TMEM236: variants seen among roughly 807,000 people sequenced by gnomAD.
TMEM236 encodes family with sequence similarity 23, member A.
TMEM236 carries 11 observed loss-of-function variants against 14.7 expected under a neutral mutation model. That is an observed-to-expected ratio of 0.75 (90% CI 0.47 to 1.24). The LOEUF (loss-of-function observed/expected upper bound fraction) is 1.24, where lower values mean the gene tolerates loss of function less well. Among genes scored for constraint, TMEM236 ranks in the 50% most tolerant of loss-of-function variants. The pLI is 0.00. For synonymous variants in TMEM236, 182 were observed against 168.6 expected, an observed-to-expected ratio of 1.08 and a Z score of -0.62; for missense variants, 464 against 427.3, an observed-to-expected ratio of 1.09 and a Z score of -0.76.
At chr10:17,787,025 C>A (rs922488212) in intron 3 of TMEM236, among the ~76,000 whole-genome samples, 1 of 152,184 alleles carries the variant, frequency 6.6e-6, no homozygotes, top group African/African-American at 2.4e-5. Context: ...GTGAGACCTC[C>A]CCAGCCATGT....
intron 3 of TMEM236, among the ~76,000 whole-genome samples, chr10:17,792,048 C>G (rs2131767086): frequency 6.6e-6 from 1 of 151,834 alleles, no homozygotes; most frequent in Middle Eastern, 3.4e-3. Context: ...TTTTTAGGTG[C>G]CTTTTCTTTG....
intron 1 of TMEM236, among the ~76,000 whole-genome samples, chr10:17,770,532 C>T (rs1195620878): frequency 1.3e-5 from 2 of 152,186 alleles, no homozygotes; most frequent in East Asian, 1.9e-4. Context: ...TACAGGTGCT[C>T]GCCACCACGC....
chr10:17,753,368 A>G (rs1837236986), intron 1 of TMEM236, among the ~76,000 whole-genome samples: 2 of 152,178 alleles, frequency 1.3e-5, no homozygotes, highest in African/African-American at 4.8e-5. Flanking sequence ...CCTAGTACCT[A>G]TTAGTTGTTT....
At chr10:17,790,594 A>C (rs1837910330) in intron 3 of TMEM236, among the ~76,000 whole-genome samples, 1 of 152,226 alleles carries the variant, frequency 6.6e-6, no homozygotes, top group Non-Finnish European at 1.5e-5. Context: ...ATTTACCTTG[A>C]AGTGTATTTT....
Position 17,798,718 on chromosome 10 carries a change from C to G in TMEM236, c.*2214C>G, listed in dbSNP as rs911235701. ...TCTAATTTGAGGTAGGTTCTATAAC[C>G]TCTGTGGGTCCCCGTTTCCACATGT... On this transcript the variant is annotated 3_prime_UTR_variant, in exon 4 of 4. Transcript: ENST00000377495. The G allele has an allele frequency of 4.9e-5, 26 of 533,954 alleles. No homozygotes were observed. Among genetic ancestry groups the G allele is most frequent in the Non-Finnish European group, 1.0e-4 (26 of 259,754 alleles). 33.1% of individuals were successfully genotyped at this position (533,954 alleles called of 1,614,324 possible).
rs1336324974 is a variant in TMEM236 at position 17,800,305 on chromosome 10, AATAT to A, written c.*3805_*3808del. 1 of 151,568 alleles carries A rather than the reference AATAT, an allele frequency of 6.6e-6. No homozygotes were observed. Among genetic ancestry groups the A allele is most frequent in the Non-Finnish European group, 1.5e-5 (1 of 67,900 alleles). The allele number at this position is 151,568 out of a possible 1,614,324, so 9.4% of individuals were successfully genotyped here. On this transcript the variant is annotated 3_prime_UTR_variant, in exon 4 of 4. Transcript: ENST00000377495. Reference sequence around the variant, plus strand: ...AAAATTAATCTATGATTAGGCTATTAATATATAGTCTAATAATTTTATTGCATTA... The same window carrying A: ...AAAATTAATCTATGATTAGGCTATTAATAGTCTAATAATTTTATTGCATTA...
At chr10:17,788,406 C>T (rs1394699831) in intron 3 of TMEM236, among the ~76,000 whole-genome samples, 11 of 151,082 alleles carry the variant, frequency 7.3e-5, no homozygotes, top group Admixed American at 1.3e-4. Context: ...CAACACTTGT[C>T]GAGTGTTAGA....
At position 17,798,147 on chromosome 10, in the gene TMEM236, A is replaced by C. The variant is rs1248767025; in HGVS notation, c.*1643A>C. ...TGCTAGAGAGATTTGTGAGAGGCTG[A>C]TAATGCAAGAGTAATGATTTATGTA... On this transcript the variant is annotated 3_prime_UTR_variant, in exon 4 of 4. Transcript: ENST00000377495. 2 of 192,832 alleles carry C rather than the reference A, an allele frequency of 1.0e-5. No homozygotes were observed. The highest frequency in any genetic ancestry group is 1.5e-4 in the East Asian group (1 of 6,896). The allele number at this position is 192,832 out of a possible 1,614,324, so 11.9% of individuals were successfully genotyped here.
At chr10:17,779,255 A>ACTCCAGGCCCAGCTCCCT (rs1837709763) in intron 3 of TMEM236, among the ~76,000 whole-genome samples, 1 of 151,908 alleles carries the variant, frequency 6.6e-6, no homozygotes, top group African/African-American at 2.4e-5. Flanking sequence ...GCCAGCTCTC[A>ACTCCAGGCCCAGCTCCCT]CTCCAGGCCC....
In TMEM236 at chr10:17,768,085, G is replaced by GTTTTTTTTTTTTTTTTTTT. The variant is rs1181734908; in HGVS notation, c.258-3224_258-3223insTTTTTTTTTTTTTTTTTTT. ...ACCACCACACCTCGCTAATTTTTGT[G>GTTTTTTTTTTTTTTTTTTT]GTTTTTTTTTTTTTTTTTTTTTTGT... On this transcript the variant is annotated intron_variant, in intron 1 of 3. Coordinates refer to ENST00000377495, the MANE Select transcript of TMEM236 (RefSeq NM_001098844.3). Among the ~76,000 whole-genome samples the GTTTTTTTTTTTTTTTTTTT allele has an allele frequency of 2.7e-3, 269 of 98,804 alleles. 52 individuals carry two copies. Among genetic ancestry groups the GTTTTTTTTTTTTTTTTTTT allele is most frequent in the East Asian group, 0.012 (44 of 3,808 alleles). The allele number at this position is 98,804 out of a possible 152,430, so 64.8% of individuals were successfully genotyped here. A position where few individuals can be genotyped will look rare whatever the true frequency, so the allele number is the denominator to read the frequency against.
intron 3 of TMEM236, among the ~76,000 whole-genome samples, chr10:17,786,895 G>A (rs1449057456): frequency 2.6e-5 from 4 of 152,140 alleles, no homozygotes; most frequent in African/African-American, 9.7e-5. Context: ...TGCTATTCTC[G>A]TGATAGTGAA....
intron 3 of TMEM236, among the ~76,000 whole-genome samples, chr10:17,779,126 G>A (rs968365656): frequency 1.8e-4 from 28 of 152,266 alleles, no homozygotes; most frequent in African/African-American, 6.5e-4. Context: ...ACAAATGAGC[G>A]CACCTTAATG....
chr10:17,770,504 C>G (rs1330035916), intron 1 of TMEM236, among the ~76,000 whole-genome samples: 7 of 152,170 alleles, frequency 4.6e-5, no homozygotes, highest in African/African-American at 1.7e-4. Flanking sequence ...CTGCCTCAGC[C>G]TCCTGAGTAG....
intron 1 of TMEM236, among the ~76,000 whole-genome samples, chr10:17,770,684 C>T (rs1474767353): frequency 6.6e-6 from 1 of 152,144 alleles, no homozygotes; most frequent in African/African-American, 2.4e-5. Flanking sequence ...TGCCCGGCCA[C>T]ATTTAAATTT....
chr10:17,773,734 C>T (rs955521875), intron 2 of TMEM236, among the ~76,000 whole-genome samples: 1 of 152,190 alleles, frequency 6.6e-6, no homozygotes, highest in Admixed American at 6.5e-5. Flanking sequence ...CAATGTTGAG[C>T]ATCTTTTCAT....
At chr10:17,756,580 A>G (rs1268874081) in intron 1 of TMEM236, among the ~76,000 whole-genome samples, 1 of 152,186 alleles carries the variant, frequency 6.6e-6, no homozygotes, top group Admixed American at 6.5e-5. Flanking sequence ...ACGGGCATGA[A>G]CCACTGTGCC....
At chr10:17,786,492 G>A (rs1837839396) in intron 3 of TMEM236, among the ~76,000 whole-genome samples, 1 of 152,182 alleles carries the variant, frequency 6.6e-6, no homozygotes, top group Admixed American at 6.5e-5. Context: ...CCAAAGTGCT[G>A]AGATTACAAG....
At chr10:17,776,822 A>C (rs893227244) in intron 3 of TMEM236, among the ~76,000 whole-genome samples, 2 of 152,236 alleles carry the variant, frequency 1.3e-5, no homozygotes, top group South Asian at 4.1e-4. Context: ...CATCTCCTCC[A>C]AAGTGATGAG....
At chr10:17,755,674 G>A (rs1837274714) in intron 1 of TMEM236, among the ~76,000 whole-genome samples, 1 of 152,108 alleles carries the variant, frequency 6.6e-6, no homozygotes, top group Non-Finnish European at 1.5e-5. Context: ...GGCTTTGACT[G>A]TCCAAGATTC....
Sources: gnomAD v4.1 joint callset for allele counts (sites outside exome capture counted in the v4.1 genomes callset) on GRCh38, gnomAD v4.1.1 for gene constraint, MANE v1.5 for transcripts, NCBI Gene and HGNC (gene_info 2026-07-23, HGNC 2026-07-21) for gene names.